The following COL7A1 variants were observed in gnomAD, a reference collection of about 807,000 sequenced individuals.
COL7A1 encodes collagen type VII alpha 1 chain, also known as collagen alpha-1(VII) chain.
A neutral mutation model predicts 456.2 loss-of-function variants in COL7A1; 296 were observed. The ratio of observed to expected loss-of-function variants is 0.65; its 90% CI spans 0.59 to 0.71. COL7A1 has a LOEUF of 0.71. Among genes scored for constraint, COL7A1 ranks in the 30% least tolerant of loss-of-function variants. The pLI, the probability that COL7A1 is intolerant of heterozygous loss-of-function variation, is 0.00. For synonymous variants in COL7A1, 1,464 were observed against 1,525.9 expected, an observed-to-expected ratio of 0.96 and a Z score of 0.95; for missense variants, 3,441 against 4,017.2, an observed-to-expected ratio of 0.86 and a Z score of 3.88.
rs1210309243 is a variant in COL7A1, at chr3:48,593,345, T to G, written c.520+11A>C. The G allele has an allele frequency of 1.2e-6, 2 of 1,613,912 alleles. No homozygotes were observed. Among genetic ancestry groups the G allele is most frequent in the African/African-American group, 2.7e-5 (2 of 74,902 alleles). On this transcript the variant is annotated intron_variant, in intron 5 of 118. Coordinates refer to ENST00000681320, the MANE Select transcript of COL7A1 (RefSeq NM_000094.4). This position sits in a 1 kb window ranked among gnomAD's most constrained non-coding sequence, Gnocchi z 4.4. ...CCCCCAGCTGACCTGTCACTCCTGC[T>G]CGGTCCTTACCCACAGCAAATAGCT...
chr3:48,575,768 C>T lies in COL7A1; in HGVS notation c.5857-20G>A, dbSNP rs2044255205. The T allele has an allele frequency of 6.2e-7, 1 of 1,613,982 alleles. No individual in the cohort carries two copies. Among genetic ancestry groups the T allele is most frequent in the African/African-American group, 1.3e-5 (1 of 74,940 alleles). On this transcript the variant is annotated intron_variant, in intron 72 of 118. Transcript: ENST00000681320. The surrounding 1 kb of genome is among the most constrained non-coding windows in gnomAD (Gnocchi z 6.3). ...AGATGCCTGAGGGACAGCAAGAGGT[C>T]AGAGGAGCGGGGTGCGTCGCCGCAG...
In COL7A1 at chr3:48,567,788, AGCCTTAG is replaced by A; in HGVS notation, c.7930-32_7930-26del. ...CCTGCAGGCATCAGGCAGTGGGGTG[AGCCTTAG>A]GCCCCAGGCCACGTAGCCCCCCAGC... On this transcript the variant is annotated intron_variant, in intron 107 of 118. Transcript: ENST00000681320. The surrounding 1 kb of genome is among the most constrained non-coding windows in gnomAD (Gnocchi z 4.3). 6.2e-7 allele frequency: 1 copy of A among 1,614,058 alleles called. No individual in the cohort carries two copies. The highest frequency in any genetic ancestry group is 8.5e-7 in the Non-Finnish European group (1 of 1,179,994).
In COL7A1 at chr3:48,586,378, G is replaced by C. The variant is rs771346243; in HGVS notation, c.3504C>G (p.Pro1168=). 2 of 1,613,868 alleles carry C rather than the reference G, an allele frequency of 1.2e-6. No homozygotes were observed. The highest frequency in any genetic ancestry group is 2.2e-5 in the South Asian group (2 of 91,074). The change falls in exon 27 of 119, where the codon CCC becomes CCG. Residue 1168 remains proline (P), a synonymous_variant. Transcript: ENST00000681320. The surrounding 1 kb of genome is among the most constrained non-coding windows in gnomAD (Gnocchi z 5.1). The part of the protein sequence containing the change: ...PGVMVLLVDE[P]LRGDIFSPIR... ...TGGGGCTGAATATGTCACCTCTCAA[G>C]GGTTCATCCACTAGCAGAACCATCA... is the stretch of plus-strand genomic sequence containing the variant.
chr3:48,593,445 C>A lies in COL7A1; in HGVS notation c.431G>T (p.Cys144Phe). ...QLARPGVPKV[C>F]ILITDGKSQD... ...GGACTTCCCGTCTGTGATCAGGATG[C>A]AGACCTGGGACAGGTGCAGGGGTCA... is the stretch of plus-strand genomic sequence containing the variant. Residue 144 changes from cysteine (C) to phenylalanine (F), a missense_variant, in exon 5 of 119, where the codon TGC becomes TTC. Cys to Phe is a radical substitution (Grantham distance 205). Coordinates refer to ENST00000681320, the MANE Select transcript of COL7A1 (RefSeq NM_000094.4). The surrounding 1 kb of genome is among the most constrained non-coding windows in gnomAD (Gnocchi z 4.4). 1 of 1,614,062 alleles carries A rather than the reference C, an allele frequency of 6.2e-7. No individual in the cohort carries two copies.
chr3:48,595,200 T>C, intron 1 of COL7A1, 40 bp from the exon 2 acceptor site: 4 of 1,511,292 alleles, frequency 2.6e-6, no homozygotes, highest in Non-Finnish European at 3.6e-6. Context: ...CCCGCCTCTG[T>C]CCCTTGCTCC....
Position 48,564,370 on chromosome 3 carries a change from C to T in COL7A1, c.*36G>A, listed in dbSNP as rs1438680996. 4 of 1,613,628 alleles carry T rather than the reference C, an allele frequency of 2.5e-6. No individual in the cohort carries two copies. Among genetic ancestry groups the T allele is most frequent in the East Asian group, 2.2e-5 (1 of 44,872 alleles). On this transcript the variant is annotated 3_prime_UTR_variant, in exon 119 of 119. Transcript: ENST00000681320. The surrounding 1 kb of genome is among the most constrained non-coding windows in gnomAD (Gnocchi z 6.0). ...GGGTTCTGCTGAGACCCCGACTCCT[C>T]CAGGGGATGCTGAATCTCAGCTCAT...
chr3:48,573,448 C>T lies in COL7A1; in HGVS notation c.6618+65G>A, dbSNP rs922661083. 5 of 1,613,632 alleles carry T rather than the reference C, an allele frequency of 3.1e-6. No homozygotes were observed. In the African/African-American group the frequency reaches 5.3e-5, roughly 17 times the overall value. ...GATGACAGCCCAGGAGGTTGGCGCA[C>T]ACTACCCCAGGCATGGACACAGCTT... On this transcript the variant is annotated intron_variant, in intron 83 of 118. Transcript: ENST00000681320. This position sits in a 1 kb window ranked among gnomAD's most constrained non-coding sequence, Gnocchi z 5.5.
In COL7A1 at chr3:48,588,581, CCCGG is replaced by C; in HGVS notation, c.2587+57_2587+60del. On this transcript the variant is annotated intron_variant, in intron 20 of 118. Coordinates refer to ENST00000681320, the MANE Select transcript of COL7A1 (RefSeq NM_000094.4). The surrounding 1 kb of genome is among the most constrained non-coding windows in gnomAD (Gnocchi z 4.6). ...TCCTTTCTCCAATCCAGAGCACAAG[CCCGG>C]ATCCCCAAACCATCCACACCACCCA... The C allele has an allele frequency of 1.9e-6, 3 of 1,612,984 alleles. No individual in the cohort carries two copies. The highest frequency in any genetic ancestry group is 4.5e-5 in the East Asian group (2 of 44,886).
Position 48,594,660 on chromosome 3 carries a change from G to A in COL7A1, c.86-112C>T, listed in dbSNP as rs1018577747. On this transcript the variant is annotated intron_variant, in intron 2 of 118. Coordinates refer to ENST00000681320, the MANE Select transcript of COL7A1 (RefSeq NM_000094.4). This position sits in a 1 kb window ranked among gnomAD's most constrained non-coding sequence, Gnocchi z 5.5. ...GTGGGGAGAGTAGGCCTCATCTTAT[G>A]CAAACCAGGGCCGAATCGGCCTGAG... The A allele has an allele frequency of 1.4e-5, 18 of 1,292,842 alleles. No individual in the cohort carries two copies. The highest frequency in any genetic ancestry group is 1.9e-5 in the Non-Finnish European group (18 of 938,192). The allele number at this position is 1,292,842 out of a possible 1,614,324, so 80.1% of individuals were successfully genotyped here.
rs1467749468 is a variant in COL7A1 at position 48,586,364 on chromosome 3, A to G, written c.3518T>C (p.Ile1173Thr). Residue 1173 changes from isoleucine (I) to threonine (T), a missense_variant, in exon 27 of 119, where the codon ATA (isoleucine) becomes ACA (threonine). Ile to Thr is a moderately conservative substitution (Grantham distance 89, BLOSUM62 -1). This residue lies in a region of COL7A1 where 2,084 missense variants were observed against 2,501.3 expected (regional missense o/e 0.83). Transcript: ENST00000681320. The surrounding 1 kb of genome is among the most constrained non-coding windows in gnomAD (Gnocchi z 5.1). ...CTGGGCCTCACGGATGGGGCTGAAT[A>G]TGTCACCTCTCAAGGGTTCATCCAC... ...LLVDEPLRGD[I>T]FSPIREAQAS... 1.2e-6 allele frequency: 2 copies of G among 1,613,678 alleles called. No homozygotes were observed. Among genetic ancestry groups the G allele is most frequent in the Non-Finnish European group, 1.7e-6 (2 of 1,179,954 alleles).
At position 48,585,610 on chromosome 3, in the gene COL7A1, CG is replaced by C. The variant is rs757688782; in HGVS notation, c.3840del (p.Gly1281ValfsTer44). 115 of 1,613,882 alleles carry C rather than the reference CG, an allele frequency of 7.1e-5. No individual in the cohort carries two copies. The highest frequency in any genetic ancestry group is 9.1e-5 in the Non-Finnish European group (107 of 1,180,036). On this transcript the variant is annotated frameshift_variant, in exon 32 of 119. Transcript: ENST00000681320. LOFTEE classifies it high-confidence loss of function. The surrounding 1 kb of genome is among the most constrained non-coding windows in gnomAD (Gnocchi z 4.5). ...PPGDPGLPGR[T>X]GAPGPQGPPG... Reference sequence around the variant, plus strand: ...GGGGGCCCCTGGGGGCCGGGAGCACCGGTCCTGCCCTGAAAGAAGATAGCAG... The same window carrying C: ...GGGGGCCCCTGGGGGCCGGGAGCACCGTCCTGCCCTGAAAGAAGATAGCAG...
rs1353933411 is a variant in COL7A1, at chr3:48,580,501, T to G, written c.5052+80A>C. The G allele has an allele frequency of 1.3e-5, 20 of 1,530,260 alleles. No homozygotes were observed. Among genetic ancestry groups the G allele is most frequent in the Non-Finnish European group, 1.8e-5 (20 of 1,112,212 alleles). 94.8% of individuals were successfully genotyped at this position (1,530,260 alleles called of 1,614,324 possible). On this transcript the variant is annotated intron_variant, in intron 55 of 118. Transcript: ENST00000681320. This position sits in a 1 kb window ranked among gnomAD's most constrained non-coding sequence, Gnocchi z 4.5. ...ATTGGGAGGGTTTAGCATTACAGGG[T>G]TGGGGGGTAGGATCAGGTATTGGGA...
rs199871941 is a variant in COL7A1 at position 48,588,357 on chromosome 3, C to G, written c.2635G>C (p.Gly879Arg). ...ALGTLHVVQR[G>R]EHSLRLRWEP... is the part of the protein sequence containing the mutation. ...CAGCGCAGCCTCAGCGAGTGCTCCC[C>G]GCGCTGCACCACGTGAAGCGTCCCC... Residue 879 changes from glycine (G) to arginine (R), a missense_variant, in exon 21 of 119, where the codon GGG becomes CGG. Around this residue, in one of 3 missense-constraint regions of COL7A1, gnomAD observed 444 missense variants for 427.6 expected, o/e 1.04. Transcript: ENST00000681320. The surrounding 1 kb of genome is among the most constrained non-coding windows in gnomAD (Gnocchi z 4.6). The G allele has an allele frequency of 1.2e-6, 2 of 1,612,342 alleles. No individual in the cohort carries two copies. The highest frequency in any genetic ancestry group is 1.7e-5 in the Admixed American group (1 of 59,982).
Position 48,571,806 on chromosome 3 carries a change from A to G in COL7A1, c.7068+195T>C. The G allele has an allele frequency of 2.9e-6, 2 of 691,194 alleles. No homozygotes were observed. Among genetic ancestry groups the G allele is most frequent in the South Asian group, 3.6e-5 (2 of 55,714 alleles). 42.8% of individuals were successfully genotyped at this position (691,194 alleles called of 1,614,324 possible). ...CAAGGATGGGCACACAGAAGCCAAG[A>G]CAGGGCCCCCAGAGCTCAGAGTGTG... On this transcript the variant is annotated intron_variant, in intron 92 of 118. Transcript: ENST00000681320. This position sits in a 1 kb window ranked among gnomAD's most constrained non-coding sequence, Gnocchi z 4.6.
In COL7A1 at chr3:48,588,500, C is replaced by CA. The variant is rs1180234044; in HGVS notation, c.2588-97dup. On this transcript the variant is annotated intron_variant, in intron 20 of 118. Transcript: ENST00000681320. This position sits in a 1 kb window ranked among gnomAD's most constrained non-coding sequence, Gnocchi z 4.6. ...GGCACACGCACCCCGCCCAGCCTCT[C>CA]AGACCCCTCTCCCTCCTCTCAGACC... 4.4e-6 allele frequency: 7 copies of CA among 1,597,656 alleles called. No homozygotes were observed. In the African/African-American group the frequency reaches 5.4e-5, roughly 12 times the overall value.
chr3:48,590,120 G>T lies in COL7A1; in HGVS notation c.2050+93C>A, dbSNP rs187784650. The T allele has an allele frequency of 4.5e-5, 65 of 1,436,824 alleles. No homozygotes were observed. Among genetic ancestry groups the T allele is most frequent in the Non-Finnish European group, 3.8e-6 (4 of 1,047,368 alleles). The allele number at this position is 1,436,824 out of a possible 1,614,324, so 89.0% of individuals were successfully genotyped here. ...TGGGATTCTGAAGGGGGAGGCAGGAGTTCTGGGGAGAAGCAAGGGTCTGCA... is the reference window on the plus strand; with the variant it reads ...TGGGATTCTGAAGGGGGAGGCAGGATTTCTGGGGAGAAGCAAGGGTCTGCA... On this transcript the variant is annotated intron_variant, in intron 16 of 118. Transcript: ENST00000681320. The surrounding 1 kb of genome is among the most constrained non-coding windows in gnomAD (Gnocchi z 4.6).
Position 48,586,732 on chromosome 3 carries a change from C to G in COL7A1, c.3277-43G>C. Reference sequence around the variant, plus strand: ...ACAGAGCCTGAGGAGGATGACAGAGCAGGGATGGGGGTGCACAGAGCCTGG... The same window carrying G: ...ACAGAGCCTGAGGAGGATGACAGAGGAGGGATGGGGGTGCACAGAGCCTGG... On this transcript the variant is annotated intron_variant, in intron 25 of 118. Coordinates refer to ENST00000681320, the MANE Select transcript of COL7A1 (RefSeq NM_000094.4). This position sits in a 1 kb window ranked among gnomAD's most constrained non-coding sequence, Gnocchi z 5.1. 6.4e-7 allele frequency: 1 copy of G among 1,553,678 alleles called. No individual in the cohort carries two copies.
In COL7A1 at chr3:48,575,673, G is replaced by C. The variant is rs1368134215; in HGVS notation, c.5932C>G (p.Arg1978Gly). ...TCGCCTGAGTCCCCCTTGGGGCCTC[G>C]ACGCCGTTCGGGCACAGGCAGGAAG... ...GSFLPVPERR[R>G]GPKGDSGEQG... The change falls in exon 73 of 119, where the codon CGA (arginine) becomes GGA (glycine). Residue 1978 changes from arginine (R) to glycine (G), a missense_variant. Arg to Gly is a moderately radical substitution (Grantham distance 125). Transcript: ENST00000681320. This position sits in a 1 kb window ranked among gnomAD's most constrained non-coding sequence, Gnocchi z 6.3. The C allele has an allele frequency of 6.2e-7, 1 of 1,613,586 alleles. No individual in the cohort carries two copies. The highest frequency in any genetic ancestry group is 1.1e-5 in the South Asian group (1 of 91,090).
chr3:48,588,685 G>C lies in COL7A1; in HGVS notation c.2544C>G (p.Val848=). ...AGACAGGTGTGCCCTCGCGGTCCCC[G>C]ACAAGTGCAGTCACTCGCACTGAGT... is the stretch of plus-strand genomic sequence containing the variant. ...VSYSVRVTAL[V]GDREGTPVSI... The change falls in exon 20 of 119, where the codon GTC becomes GTG. Residue 848 remains valine, a synonymous_variant. Coordinates refer to ENST00000681320, the MANE Select transcript of COL7A1 (RefSeq NM_000094.4). This position sits in a 1 kb window ranked among gnomAD's most constrained non-coding sequence, Gnocchi z 4.6. The C allele has an allele frequency of 6.2e-7, 1 of 1,613,862 alleles. No individual in the cohort carries two copies. Among genetic ancestry groups the C allele is most frequent in the Non-Finnish European group, 8.5e-7 (1 of 1,180,046 alleles).
Sources: allele counts gnomAD v4.1 joint callset, GRCh38; gene constraint gnomAD v4.1.1; regional missense constraint gnomAD v4.1.1; non-coding constraint Gnocchi (gnomAD v3.1); transcripts MANE v1.5; gene names NCBI Gene and HGNC (gene_info 2026-07-23, HGNC 2026-07-21).